The following GFM1 variants were observed in gnomAD, a reference collection of about 807,000 sequenced individuals.
GFM1 encodes G elongation factor mitochondrial 1.
In GFM1, 62 loss-of-function variants were observed where a neutral mutation model predicts 96.2. The observed-to-expected ratio is 0.64, with a 90% CI of 0.53 to 0.80. The LOEUF (loss-of-function observed/expected upper bound fraction) is 0.80, where lower values mean the gene tolerates loss of function less well. Ranked by LOEUF, GFM1 falls within the 30% of genes least tolerant of loss-of-function variation. The probability of loss-of-function intolerance (pLI) is 0.00; values close to 1 mark genes in which losing one functional copy is unlikely to be tolerated. For synonymous variants in GFM1, 282 were observed against 312.9 expected (o/e 0.90, Z 1.04); for missense variants, 852 against 916.6 (o/e 0.93, Z 0.91).
Position 158,644,551 on chromosome 3 carries a change from G to A in GFM1, c.-84G>A, listed in dbSNP as rs1267521515. On this transcript the variant is annotated 5_prime_UTR_variant, in exon 1 of 18. In the 5' UTR this introduces an upstream ATG that the reference lacks. Transcript: ENST00000486715. Reference sequence around the variant, plus strand: ...TGCTCTTACAACATTGGCTGCCGGCGTGACTTTGACCGCTTCCCGGTGCGT... The same window carrying A: ...TGCTCTTACAACATTGGCTGCCGGCATGACTTTGACCGCTTCCCGGTGCGT... 8 of 1,107,894 alleles carry A rather than the reference G, an allele frequency of 7.2e-6. No homozygotes were observed. Among genetic ancestry groups the A allele is most frequent in the Non-Finnish European group, 2.7e-6 (2 of 748,660 alleles). The allele number at this position is 1,107,894 out of a possible 1,614,324, so 68.6% of individuals were successfully genotyped here.
intron 11 of GFM1, 68 bp downstream of exon 11, chr3:158,662,752 A>G (rs968871129): frequency 2.9e-5 from 26 of 895,118 alleles, no homozygotes; most frequent in Non-Finnish European, 4.4e-5. Flanking sequence ...CTATCTCTAC[A>G]ATGCACTTGA....
At chr3:158,685,693 CTA>C (rs1725779710) in intron 15 of GFM1, among the ~76,000 whole-genome samples, 1 of 152,036 alleles carries the variant, frequency 6.6e-6, no homozygotes, top group African/African-American at 2.4e-5. Flanking sequence ...TATCAGCTCT[CTA>C]TTAAAAATGC....
intron 10 of GFM1, among the ~76,000 whole-genome samples, chr3:158,662,274 A>T (rs1723257903): frequency 2.0e-5 from 3 of 151,968 alleles, no homozygotes; most frequent in Non-Finnish European, 2.9e-5. Flanking sequence ...TTATATTTTG[A>T]TTAAATAAAA....
At chr3:158,652,050 T>G (rs1163795614) in intron 5 of GFM1, 46 bp from the exon 6 acceptor site, 3 of 1,521,974 alleles carry the variant, frequency 2.0e-6, no homozygotes, top group Admixed American at 1.7e-5. Context: ...GTCCTTCATA[T>G]ATTAAGTTGA....
intron 15 of GFM1, among the ~76,000 whole-genome samples, chr3:158,686,497 C>T (rs867839669): frequency 1.1e-4 from 16 of 149,660 alleles, no homozygotes; most frequent in Admixed American, 6.7e-5. Context: ...AGCTTTGTCT[C>T]TTGTTCTAGG....
intron 4 of GFM1, among the ~76,000 whole-genome samples, chr3:158,648,338 A>G (rs1296976973): frequency 6.6e-6 from 1 of 152,160 alleles, no homozygotes; most frequent in East Asian, 1.9e-4. Flanking sequence ...GCTAGAGCAT[A>G]TTCTTTTCCA....
At position 158,673,508 on chromosome 3, in the gene GFM1, C is replaced by CTTTTTTTTTTTTT. The variant is rs766011688; in HGVS notation, c.1601+7130_1601+7142dup. ...TTGAGACCTTTTTTTCTTTTCTTTT[C>CTTTTTTTTTTTTT]TTTTTTTTTTTTTTTTTTTTGAGAT... On this transcript the variant is annotated intron_variant, in intron 13 of 17. Transcript: ENST00000486715. Among the ~76,000 whole-genome samples the CTTTTTTTTTTTTT allele has an allele frequency of 1.1e-3, 131 of 114,218 alleles. 1 individual carries two copies. Among genetic ancestry groups the CTTTTTTTTTTTTT allele is most frequent in the African/African-American group, 1.7e-3 (47 of 27,988 alleles). 74.9% of individuals were successfully genotyped at this position (114,218 alleles called of 152,430 possible). A position where few individuals can be genotyped will look rare whatever the true frequency, so the allele number is the denominator to read the frequency against.
intron 13 of GFM1, chr3:158,666,598 C>T (rs761265517): frequency 6.0e-6 from 9 of 1,509,596 alleles, no homozygotes; most frequent in Non-Finnish European, 8.3e-6. Flanking sequence ...GTGAAATTGG[C>T]ATACACATCA....
At chr3:158,647,017 A>G in intron 4 of GFM1, 70 bp downstream of exon 4, 2 of 1,183,300 alleles carry the variant, frequency 1.7e-6, no homozygotes, top group Non-Finnish European at 2.5e-6. Context: ...CAAAAGGGTG[A>G]TTAATTCACT....
intron 13 of GFM1, among the ~76,000 whole-genome samples, chr3:158,672,090 C>T (rs1724374835): frequency 6.6e-6 from 1 of 152,120 alleles, no homozygotes; most frequent in Non-Finnish European, 1.5e-5. Flanking sequence ...AGCGTGTTCC[C>T]GTTTTCTTGT....
In GFM1 at chr3:158,652,172, T is replaced by C. The variant is rs556268062; in HGVS notation, c.766T>C (p.Cys256Arg). Reference sequence around the variant, plus strand: ...TGACCACCGGCAGGAGCTAATTGAATGTGTTGCCAATTCAGATGAACAGCT... The same window carrying C: ...TGACCACCGGCAGGAGCTAATTGAACGTGTTGCCAATTCAGATGAACAGCT... ...ATDHRQELIE[C>R]VANSDEQLGE... is the part of the protein sequence containing the mutation. Residue 256 changes from cysteine (C) to arginine (R), a missense_variant, in exon 6 of 18, where the codon TGT becomes CGT. Cys to Arg is a radical substitution (Grantham distance 180, BLOSUM62 -3). Transcript: ENST00000486715. The C allele has an allele frequency of 1.1e-5, 17 of 1,614,030 alleles. No individual in the cohort carries two copies. The highest frequency in any genetic ancestry group is 3.3e-5 in the Admixed American group (2 of 60,024).
At position 158,659,119 on chromosome 3, in the gene GFM1, C is replaced by T. The variant is rs757257386; in HGVS notation, c.1221+60C>T. On this transcript the variant is annotated intron_variant, in intron 9 of 17. Transcript: ENST00000486715. The stretch of plus-strand genomic sequence containing the variant: ...TCTGATGTGGGTGAAATAGACCCTT[C>T]TTGGTATCCTGAGCCCCACTAGAAA... The T allele has an allele frequency of 7.6e-6, 12 of 1,569,414 alleles. No individual in the cohort carries two copies. The African/African-American group carries it at 1.4e-4, about 18-fold the overall frequency.
rs561923116 is a variant in GFM1, at chr3:158,662,670, A to T, written c.1366A>T (p.Lys456Ter). The part of the protein sequence containing the change: ...VPDPVISIAM[K>*]PSNKNDLEKF... Reference sequence around the variant, plus strand: ...TGATCCTGTCATTTCAATAGCAATGAAGCCTTCTAACAAGGTAGGAGTTTG... The same window carrying T: ...TGATCCTGTCATTTCAATAGCAATGTAGCCTTCTAACAAGGTAGGAGTTTG... The change falls in exon 11 of 18, where the codon AAG becomes TAG. Residue 456 changes from lysine (K) to a stop codon, truncating the protein, a stop_gained. Transcript: ENST00000486715. LOFTEE classifies it high-confidence loss of function. 6.3e-7 allele frequency: 1 copy of T among 1,593,838 alleles called. No individual in the cohort carries two copies. The highest frequency in any genetic ancestry group is 1.1e-5 in the South Asian group (1 of 90,682).
chr3:158,689,667 T>A (rs1726142637), intron 15 of GFM1, among the ~76,000 whole-genome samples: 1 of 150,902 alleles, frequency 6.6e-6, no homozygotes, highest in Non-Finnish European at 1.5e-5. Context: ...ACTCGGAGGC[T>A]GAGGCAGGAG....
At chr3:158,687,729 A>G (rs1725979341) in intron 15 of GFM1, among the ~76,000 whole-genome samples, 1 of 152,244 alleles carries the variant, frequency 6.6e-6, no homozygotes, top group South Asian at 2.1e-4. Context: ...CCGCCTCCCA[A>G]AGTGCTGAGA....
chr3:158,684,862 A>G, intron 15 of GFM1, 194 bp downstream of exon 15: 1 of 590,018 alleles, frequency 1.7e-6, no homozygotes, highest in African/African-American at 1.9e-5. Context: ...AAGCTAAAAG[A>G]CTACTGTATT....
At chr3:158,669,313 A>G (rs1724034984) in intron 13 of GFM1, 3 of 1,215,374 alleles carry the variant, frequency 2.5e-6, no homozygotes, top group Non-Finnish European at 2.3e-6. Context: ...AGAAATGAGT[A>G]TTTTTGCAAA....
chr3:158,647,303 A>G (rs1437334375), intron 4 of GFM1, among the ~76,000 whole-genome samples: 1 of 152,174 alleles, frequency 6.6e-6, no homozygotes, highest in African/African-American at 2.4e-5. Context: ...TTTGGTTTTA[A>G]TTTTTCCTTG....
At chr3:158,673,580 C>T (rs1724586358) in intron 13 of GFM1, among the ~76,000 whole-genome samples, 1 of 137,574 alleles carries the variant, frequency 7.3e-6, no homozygotes, top group Admixed American at 7.9e-5. Flanking sequence ...GGTGCTATCT[C>T]GGCTCACTGC....
Sources: allele counts gnomAD v4.1 joint callset (sites outside exome capture counted in the v4.1 genomes callset), GRCh38; gene constraint gnomAD v4.1.1; transcripts MANE v1.5; gene names NCBI Gene and HGNC (gene_info 2026-07-23, HGNC 2026-07-21).